Variants in GLIS3 observed in about 807,000 individuals in gnomAD.
GLIS3 encodes the protein zinc finger protein GLIS3.
A neutral mutation model predicts 78.6 loss-of-function variants in GLIS3; 53 were observed. The ratio of observed to expected loss-of-function variants is 0.67; its 90% CI spans 0.54 to 0.85. GLIS3 has a LOEUF of 0.85. Among genes scored for constraint, GLIS3 ranks in the 40% least tolerant of loss-of-function variants. The pLI is 0.00. For missense variants in GLIS3, 1,703 were observed against 1,231.1 expected (o/e 1.38, Z -5.74); for synonymous variants, 684 against 509.9 (o/e 1.34, Z -4.60).
chr9:4,371,451 G>A, the GLIS3 span, among the ~76,000 whole-genome samples: 2 of 152,180 alleles, frequency 1.3e-5, no homozygotes, highest in African/African-American at 4.8e-5. Context: ...TGTGGCCTGT[G>A]TTGCTCTGCA....
At chr9:3,934,767 T>G (rs898922766) in intron 5 of GLIS3, among the ~76,000 whole-genome samples, 2 of 152,160 alleles carry the variant, frequency 1.3e-5, no homozygotes, top group African/African-American at 4.8e-5. Flanking sequence ...ACTGTTCCTC[T>G]CAGCTGACCT....
chr9:3,986,779 C>G (rs1819772585), intron 4 of GLIS3, among the ~76,000 whole-genome samples: 1 of 152,256 alleles, frequency 6.6e-6, no homozygotes, highest in African/African-American at 2.4e-5. Flanking sequence ...TTGAAAACCA[C>G]TGCCCTTGGA....
exon 1 of GLIS3, chr9:4,348,318 C>T (rs1268736986): frequency 6.6e-6 from 1 of 152,132 alleles, no homozygotes; most frequent in African/African-American, 2.4e-5. Flanking sequence ...CCTGCCAGTT[C>T]AGCACCCTCG....
rs1049070821 is a variant in GLIS3, at chr9:3,891,129, A to G, written c.2128+7562T>C. ...AGAGGAGGAGGAGGAAAAGGTAGGT[A>G]ATTGGTAATCTGTGGCATCTGTTCT... is the stretch of plus-strand genomic sequence containing the variant. On this transcript the variant is annotated intron_variant, in intron 7 of 10. Coordinates refer to ENST00000381971, the MANE Select transcript of GLIS3 (RefSeq NM_001042413.2). 2.6e-5 allele frequency among the ~76,000 whole-genome samples: 4 copies of G among 151,316 alleles called. No individual in the cohort carries two copies. The East Asian group carries it at 7.8e-4, about 29-fold the overall frequency.
At chr9:4,336,381 C>G (rs1817757540) in intron 2 of GLIS3, among the ~76,000 whole-genome samples, 1 of 152,136 alleles carries the variant, frequency 6.6e-6, no homozygotes, top group Non-Finnish European at 1.5e-5. Context: ...CCAAAGCCAC[C>G]AGGCCAGGCC....
intron 2 of GLIS3, among the ~76,000 whole-genome samples, chr9:4,323,266 C>G (rs998246119): frequency 3.3e-5 from 5 of 152,128 alleles, no homozygotes; most frequent in Admixed American, 1.3e-4. Flanking sequence ...TACTCCTGAC[C>G]TCAGGTGATT....
At chr9:3,924,688 C>G (rs1349371681) in intron 6 of GLIS3, among the ~76,000 whole-genome samples, 1 of 152,126 alleles carries the variant, frequency 6.6e-6, no homozygotes, top group Admixed American at 6.6e-5. Context: ...AGAGAACTAC[C>G]AGAGGGAGCA....
At chr9:4,064,917 G>A (rs989165737) in intron 4 of GLIS3, among the ~76,000 whole-genome samples, 1 of 152,158 alleles carries the variant, frequency 6.6e-6, no homozygotes, top group African/African-American at 2.4e-5. Flanking sequence ...GAATCCCCAG[G>A]GAGCTGTAAG....
chr9:3,997,665 C>T (rs1322089911), intron 4 of GLIS3, among the ~76,000 whole-genome samples: 1 of 151,678 alleles, frequency 6.6e-6, no homozygotes, highest in Non-Finnish European at 1.5e-5. Flanking sequence ...ATATGACTAT[C>T]TCTGCAGGAA....
At chr9:3,949,172 C>G (rs573526013) in intron 4 of GLIS3, among the ~76,000 whole-genome samples, 1 of 152,270 alleles carries the variant, frequency 6.6e-6, no homozygotes, top group East Asian at 1.9e-4. Flanking sequence ...CAGTTGCTCT[C>G]TTTCTTTTTT....
At chr9:4,449,705 T>C in the GLIS3 span, among the ~76,000 whole-genome samples, 2 of 152,114 alleles carry the variant, frequency 1.3e-5, no homozygotes. Context: ...GGCAAGAGGG[T>C]CTGGAGTGGA....
chr9:4,369,128 G>C, the GLIS3 span, among the ~76,000 whole-genome samples: 1 of 151,938 alleles, frequency 6.6e-6, no homozygotes, highest in Non-Finnish European at 1.5e-5. Context: ...GCTTCACCTT[G>C]GAATTTTTGC....
intron 4 of GLIS3, among the ~76,000 whole-genome samples, chr9:4,016,136 CACTCCAAGTTCATT>C: frequency 6.6e-6 from 1 of 152,084 alleles, no homozygotes; most frequent in East Asian, 1.9e-4. Flanking sequence ...TCATGTTTTC[CACTCCAAGTTCATT>C]ACATTCAAAG....
At chr9:4,171,650 C>T (rs145851013) in intron 2 of GLIS3, among the ~76,000 whole-genome samples, 4 of 152,194 alleles carry the variant, frequency 2.6e-5, no homozygotes, top group South Asian at 2.1e-4. Context: ...TAAGTCATCA[C>T]ATGATATAAA....
intron 2 of GLIS3, among the ~76,000 whole-genome samples, chr9:4,332,669 T>C (rs918685729): frequency 6.6e-6 from 1 of 152,214 alleles, no homozygotes; most frequent in African/African-American, 2.4e-5. Context: ...CTCTGGACTA[T>C]TAGATGACAT....
the GLIS3 span, among the ~76,000 whole-genome samples, chr9:4,397,414 C>A: frequency 6.6e-6 from 1 of 151,688 alleles, no homozygotes; most frequent in East Asian, 1.9e-4. Flanking sequence ...CATTATTGTT[C>A]TTTGCTTCAA....
At chr9:4,385,741 GAAAGAAAGAAAGAAAGAA>G in the GLIS3 span, among the ~76,000 whole-genome samples, 110 of 43,964 alleles carry the variant, frequency 2.5e-3, 17 homozygotes, top group East Asian at 0.012. Context: ...GAAAGAAAAA[GAAAGAAAGAAAGAAAGAA>G]AGAAAGAAAG....
intron 4 of GLIS3, among the ~76,000 whole-genome samples, chr9:4,066,051 A>AG (rs1554686626): frequency 7.4e-4 from 112 of 151,874 alleles, no homozygotes; most frequent in African/African-American, 2.6e-3. Context: ...AAAAAAAAAA[A>AG]AAAGAAACAG....
intron 4 of GLIS3, among the ~76,000 whole-genome samples, chr9:4,017,486 T>A (rs192642746): frequency 5.3e-5 from 8 of 152,174 alleles, no homozygotes; most frequent in Admixed American, 2.6e-4. Flanking sequence ...AGTATACAAA[T>A]GTCACATGAG....
Sources: allele counts gnomAD v4.1 joint callset (sites outside exome capture counted in the v4.1 genomes callset), GRCh38; gene constraint gnomAD v4.1.1; transcripts MANE v1.5; gene names NCBI Gene and HGNC (gene_info 2026-07-23, HGNC 2026-07-21).